The following TMEM156 variants were observed in gnomAD, a reference collection of about 807,000 sequenced individuals.
TMEM156 encodes transmembrane protein 156.
TMEM156 carries 28 observed loss-of-function variants against 30.5 expected under a neutral mutation model. The observed-to-expected ratio is 0.92, with a 90% CI of 0.68 to 1.26. The LOEUF (loss-of-function observed/expected upper bound fraction) is 1.26, where lower values mean the gene tolerates loss of function less well. Ranked by LOEUF, TMEM156 falls within the 50% of genes most tolerant of loss-of-function variation. TMEM156 has a pLI of 0.00. For synonymous variants in TMEM156, 137 were observed against 119.9 expected (o/e 1.14, Z -0.93); for missense variants, 351 against 340.6 (o/e 1.03, Z -0.24).
chr4:38,971,882 C>G (rs150322379), intron 5 of TMEM156, among the ~76,000 whole-genome samples: 1 of 151,896 alleles, frequency 6.6e-6, no homozygotes, highest in Non-Finnish European at 1.5e-5. Flanking sequence ...CTCTGCCTCC[C>G]GGGTTCAAGT....
chr4:38,992,182 T>G (rs969872599), intron 3 of TMEM156, among the ~76,000 whole-genome samples: 1 of 152,182 alleles, frequency 6.6e-6, no homozygotes, highest in African/African-American at 2.4e-5. Context: ...GTCTGGAATA[T>G]CAAAAAGGAC....
rs71192813 is a variant in TMEM156 at position 39,027,551 on chromosome 4, C to CTT, written c.88+4673_88+4674dup. ...TGAGGTGTTTTCATCTATACTATTC[C>CTT]TTTTTTTTTTTTTTTTTTTTTTGAG... is the stretch of plus-strand genomic sequence containing the variant. On this transcript the variant is annotated intron_variant, in intron 1 of 6. Coordinates refer to ENST00000381938, the MANE Select transcript of TMEM156 (RefSeq NM_024943.3). 5.4e-3 allele frequency among the ~76,000 whole-genome samples: 424 copies of CTT among 79,058 alleles called. 13 individuals are homozygous for CTT. Among genetic ancestry groups the CTT allele is most frequent in the African/African-American group, 4.9e-3 (97 of 19,838 alleles). 51.9% of individuals were successfully genotyped at this position (79,058 alleles called of 152,430 possible).
chr4:38,998,036 G>A (rs778258755), intron 2 of TMEM156, among the ~76,000 whole-genome samples: 2 of 152,100 alleles, frequency 1.3e-5, no homozygotes, highest in Non-Finnish European at 2.9e-5. Flanking sequence ...ACTTAAAATT[G>A]TTTTTTAAAG....
chr4:38,995,541 C>T (rs1426330920), intron 2 of TMEM156, among the ~76,000 whole-genome samples: 1 of 152,114 alleles, frequency 6.6e-6, no homozygotes, highest in Non-Finnish European at 1.5e-5. Context: ...ATGATGAAAC[C>T]CCGTCTCTAC....
In TMEM156 at chr4:38,993,990, T is replaced by G. The variant is rs1712744923; in HGVS notation, c.367A>C (p.Arg123=). The G allele has an allele frequency of 6.2e-7, 1 of 1,612,172 alleles. No homozygotes were observed. The highest frequency in any genetic ancestry group is 1.3e-5 in the African/African-American group (1 of 75,000). ...GCTTTCACTTCCATTGATCCTCTCC[T>G]GATAAGAACTAGAAAGTGATTAAGA... is the stretch of plus-strand genomic sequence containing the variant. ...SQEQTSKVLI[R]RGSMEVKAND... The change falls in exon 3 of 7, where the codon AGG becomes CGG. Residue 123 remains arginine, a synonymous_variant. Transcript: ENST00000381938.
chr4:39,019,034 A>T (rs5008981), intron 1 of TMEM156, among the ~76,000 whole-genome samples: 1 of 139,630 alleles, frequency 7.2e-6, no homozygotes, highest in Admixed American at 7.0e-5. Flanking sequence ...AAAACAAAAC[A>T]AAAAAAAAAA....
intron 1 of TMEM156, among the ~76,000 whole-genome samples, chr4:39,006,551 T>C (rs1189540114): frequency 6.6e-6 from 1 of 152,122 alleles, no homozygotes; most frequent in East Asian, 1.9e-4. Flanking sequence ...TTCCTTAAGG[T>C]TAAAAAGATC....
chr4:38,993,820 T>A lies in TMEM156; in HGVS notation c.537A>T (p.Lys179Asn). ...TIMEDEPSKE[K>N]SINYTCRIME... ...TGATTCTACAAGTGTAGTTTATCGA[T>A]TTCTCCTTGCTTGGCTCATCCTCCA... The change falls in exon 3 of 7, where the codon AAA (lysine) becomes AAT (asparagine). Residue 179 changes from lysine to asparagine, a missense_variant. Coordinates refer to ENST00000381938, the MANE Select transcript of TMEM156 (RefSeq NM_024943.3). 1.2e-6 allele frequency: 2 copies of A among 1,614,102 alleles called. No homozygotes were observed. The highest frequency in any genetic ancestry group is 1.7e-6 in the Non-Finnish European group (2 of 1,179,972).
At chr4:38,981,245 T>C (rs1242975466) in intron 5 of TMEM156, among the ~76,000 whole-genome samples, 2 of 152,242 alleles carry the variant, frequency 1.3e-5, no homozygotes, top group African/African-American at 4.8e-5. Context: ...ATGTTCCAAA[T>C]TATAATTTTA....
At chr4:38,985,117 T>C (rs1220717603) in intron 5 of TMEM156, among the ~76,000 whole-genome samples, 2 of 152,212 alleles carry the variant, frequency 1.3e-5, no homozygotes, top group Non-Finnish European at 2.9e-5. Context: ...GTTAAAACTG[T>C]CCTCATATTT....
chr4:38,972,124 T>C (rs1197103693), intron 5 of TMEM156, among the ~76,000 whole-genome samples: 7 of 151,902 alleles, frequency 4.6e-5, no homozygotes, highest in African/African-American at 1.7e-4. Flanking sequence ...GTTTGGGTGG[T>C]TGCTACTTAA....
intron 2 of TMEM156, among the ~76,000 whole-genome samples, chr4:38,995,146 A>C (rs1380278481): frequency 6.6e-6 from 1 of 152,072 alleles, no homozygotes; most frequent in African/African-American, 2.4e-5. Context: ...CCCTGTGTCC[A>C]TGTCTCTGTG....
intron 1 of TMEM156, among the ~76,000 whole-genome samples, chr4:39,013,668 G>C (rs964206880): frequency 6.6e-6 from 1 of 151,968 alleles, no homozygotes; most frequent in Non-Finnish European, 1.5e-5. Context: ...CCAAAGTGCC[G>C]GGATTACAGT....
intron 1 of TMEM156, among the ~76,000 whole-genome samples, chr4:39,012,864 AG>A (rs1172487173): frequency 6.6e-6 from 1 of 151,986 alleles, no homozygotes; most frequent in African/African-American, 2.4e-5. Context: ...TGCTTGAACC[AG>A]GGAGGCAGAC....
chr4:39,020,656 TCTC>T (rs1197456404), intron 1 of TMEM156, among the ~76,000 whole-genome samples: 3 of 152,190 alleles, frequency 2.0e-5, no homozygotes, highest in African/African-American at 4.8e-5. Flanking sequence ...TTCGAGCAAT[TCTC>T]CTGCTTCAGC....
intron 4 of TMEM156, among the ~76,000 whole-genome samples, chr4:38,988,548 C>T (rs1712168559): frequency 6.6e-6 from 1 of 152,096 alleles, no homozygotes; most frequent in African/African-American, 2.4e-5. Flanking sequence ...TCTTTATCCC[C>T]ACTTCCTGTT....
At chr4:38,979,453 AATTTTGAT>A (rs1466951314) in intron 5 of TMEM156, among the ~76,000 whole-genome samples, 1 of 152,240 alleles carries the variant, frequency 6.6e-6, no homozygotes, top group Non-Finnish European at 1.5e-5. Context: ...GAGAACTGTG[AATTTTGAT>A]ATATTATACT....
At position 39,027,226 on chromosome 4, in the gene TMEM156, T is replaced by C. The variant is rs147822948; in HGVS notation, c.88+5000A>G. On this transcript the variant is annotated intron_variant, in intron 1 of 6. Transcript: ENST00000381938. ...GGATTACTGATTAAATATTTATGAATAAGAAAAAGAGCATTCATTTTTGAG... is the reference window on the plus strand; with the variant it reads ...GGATTACTGATTAAATATTTATGAACAAGAAAAAGAGCATTCATTTTTGAG... Among the ~76,000 whole-genome samples, 21 of 152,330 alleles carry C rather than the reference T, an allele frequency of 1.4e-4. No homozygotes were observed. In the East Asian group the frequency reaches 3.7e-3, roughly 27 times the overall value.
At chr4:38,990,830 G>GTTTTTTTTTTTTGTTTTGTTTTGT (rs1560365255) in intron 3 of TMEM156, among the ~76,000 whole-genome samples, 4 of 81,216 alleles carry the variant, frequency 4.9e-5, no homozygotes, top group Non-Finnish European at 9.7e-5. Context: ...TTGTTTTCTG[G>GTTTTTTTTTTTTGTTTTGTTTTGT]TTTTTTTTTT....
Sources: allele counts gnomAD v4.1 joint callset (sites outside exome capture counted in the v4.1 genomes callset), GRCh38; gene constraint gnomAD v4.1.1; transcripts MANE v1.5; gene names NCBI Gene and HGNC (gene_info 2026-07-23, HGNC 2026-07-21).